Variants in RBFOX1 observed in about 807,000 individuals in gnomAD.
RBFOX1 encodes the protein RNA binding fox-1 homolog 1.
Under a neutral mutation model 57.7 loss-of-function variants are expected in RBFOX1, and 8 were observed. The ratio of observed to expected loss-of-function variants is 0.14; its 90% CI spans 0.08 to 0.25. The LOEUF is 0.25. Among genes scored for constraint, RBFOX1 ranks in the 10% least tolerant of loss-of-function variants. The pLI is 1.00. For missense variants in RBFOX1, 611 were observed against 548.5 expected (o/e 1.11, Z -1.14); for synonymous variants, 326 against 222.4 (o/e 1.47, Z -4.15).
intron 2 of RBFOX1, among the ~76,000 whole-genome samples, chr16:6,364,212 C>T (rs183210690): frequency 1.1e-4 from 16 of 152,308 alleles, no homozygotes; most frequent in Admixed American, 6.5e-4. Context: ...TTCGAAGATG[C>T]TGGCAGAATT....
At chr16:5,654,950 C>A (rs117566906) in intron 3 of RBFOX1, among the ~76,000 whole-genome samples, 3 of 152,166 alleles carry the variant, frequency 2.0e-5, no homozygotes, top group Non-Finnish European at 2.9e-5. Flanking sequence ...ACAGCTCCCC[C>A]CCAGCAAGTA....
intron 4 of RBFOX1, among the ~76,000 whole-genome samples, chr16:7,247,580 C>G (rs1321941672): frequency 3.3e-5 from 5 of 152,166 alleles, no homozygotes; most frequent in Non-Finnish European, 2.9e-5. Context: ...TTAACAAAAG[C>G]TAAAAGCCCC....
intron 4 of RBFOX1, among the ~76,000 whole-genome samples, chr16:7,371,121 C>CA (rs1011030365): frequency 6.6e-6 from 1 of 152,132 alleles, no homozygotes; most frequent in African/African-American, 2.4e-5. Context: ...TCATAAATGC[C>CA]AAGGCCTGCC....
chr16:7,607,435 G>C, intron 10 of RBFOX1, 97 bp downstream of exon 10: 5 of 1,088,744 alleles, frequency 4.6e-6, no homozygotes, highest in Middle Eastern at 4.0e-4. Context: ...CCTGAAGCAA[G>C]TGAATTCCTA....
chr16:5,564,394 A>G (rs987862269), intron 2 of RBFOX1, among the ~76,000 whole-genome samples: 3 of 151,934 alleles, frequency 2.0e-5, no homozygotes, highest in Admixed American at 6.6e-5. Context: ...TCTGGGTTGA[A>G]TTTTTGTCTC....
At chr16:6,379,082 C>T (rs2091515255) in intron 2 of RBFOX1, among the ~76,000 whole-genome samples, 1 of 152,042 alleles carries the variant, frequency 6.6e-6, no homozygotes, top group Non-Finnish European at 1.5e-5. Flanking sequence ...GGAGGATGCC[C>T]AGCTTTCTAA....
At chr16:5,413,289 A>G (rs2067073111) in intron 1 of RBFOX1, among the ~76,000 whole-genome samples, 1 of 152,200 alleles carries the variant, frequency 6.6e-6, no homozygotes, top group African/African-American at 2.4e-5. Flanking sequence ...CATTCTCCAG[A>G]GAGCACCATG....
intron 1 of RBFOX1, among the ~76,000 whole-genome samples, chr16:5,450,406 A>G (rs1481364182): frequency 6.6e-6 from 1 of 152,146 alleles, no homozygotes; most frequent in Non-Finnish European, 1.5e-5. Context: ...GCACATGCAG[A>G]CCACAGGGAA....
intron 3 of RBFOX1, among the ~76,000 whole-genome samples, chr16:6,998,608 C>T (rs952564645): frequency 1.3e-5 from 2 of 152,112 alleles, no homozygotes; most frequent in African/African-American, 4.8e-5. Flanking sequence ...TGATCGATGA[C>T]TTTTGTTGCT....
chr16:6,410,168 CTGTGTGTGTGTGTGTGTG>C (rs3066618), intron 2 of RBFOX1, among the ~76,000 whole-genome samples: 2 of 146,942 alleles, frequency 1.4e-5, no homozygotes, highest in East Asian at 4.0e-4. Context: ...CATCATAAGG[CTGTGTGTGTGTGTGTGTG>C]TGTGTGTGTG....
At chr16:6,015,988 A>G (rs912029479), upstream of RBFOX1, among the ~76,000 whole-genome samples, 2 of 152,240 alleles carry the variant, frequency 1.3e-5, no homozygotes, top group Non-Finnish European at 2.9e-5. Context: ...ACAAAGGACT[A>G]CATAAATGGA....
Position 6,577,507 on chromosome 16 carries a change from C to T in RBFOX1, c.-63-77096C>T, listed in dbSNP as rs539562681. 20 of 152,304 alleles carry T rather than the reference C, an allele frequency of 1.3e-4. 1 individual carries two copies. The highest frequency in any genetic ancestry group is 8.5e-4 in the Admixed American group (13 of 15,296). 9.4% of individuals were successfully genotyped at this position (152,304 alleles called of 1,614,324 possible). On this transcript the variant is annotated intron_variant, in intron 2 of 15. Transcript: ENST00000550418. ...CAAGTTGTGCTGTGGTGACAAATAGCTCTGAAATCTCAGTGATATAACACA... is the reference window on the plus strand; with the variant it reads ...CAAGTTGTGCTGTGGTGACAAATAGTTCTGAAATCTCAGTGATATAACACA...
chr16:7,007,807 C>G (rs1014816685), intron 3 of RBFOX1, among the ~76,000 whole-genome samples: 2 of 152,176 alleles, frequency 1.3e-5, no homozygotes, highest in African/African-American at 4.8e-5. Flanking sequence ...GCCATTGAAG[C>G]CTGCACGCTC....
intron 4 of RBFOX1, among the ~76,000 whole-genome samples, chr16:7,461,971 G>C (rs370940918): frequency 6.6e-6 from 1 of 152,184 alleles, no homozygotes; most frequent in African/African-American, 2.4e-5. Context: ...GAGGTGAACG[G>C]ATGTCAAGGA....
chr16:6,894,778 G>C (rs528980059), intron 3 of RBFOX1, among the ~76,000 whole-genome samples: 3 of 152,050 alleles, frequency 2.0e-5, no homozygotes, highest in Non-Finnish European at 4.4e-5. Context: ...ATCTTAAAAA[G>C]CCATTTTCCC....
chr16:6,203,158 T>A (rs1287182314), intron 1 of RBFOX1, among the ~76,000 whole-genome samples: 4 of 152,112 alleles, frequency 2.6e-5, no homozygotes, highest in Non-Finnish European at 5.9e-5. Flanking sequence ...TACAACACAG[T>A]ATAATTAACC....
chr16:5,863,593 C>T (rs966658323), intron 3 of RBFOX1, among the ~76,000 whole-genome samples: 2 of 152,212 alleles, frequency 1.3e-5, no homozygotes, highest in African/African-American at 2.4e-5. Context: ...AGAAGGGAGT[C>T]TCTGAATCTA....
chr16:7,685,689 G>C (rs1284089285), intron 14 of RBFOX1, among the ~76,000 whole-genome samples: 1 of 152,058 alleles, frequency 6.6e-6, no homozygotes, highest in African/African-American at 2.4e-5. Context: ...GCAGTAGCAA[G>C]TACATTAAAT....
At chr16:6,195,829 G>A (rs2097176411) in intron 1 of RBFOX1, among the ~76,000 whole-genome samples, 1 of 152,114 alleles carries the variant, frequency 6.6e-6, no homozygotes, top group African/African-American at 2.4e-5. Flanking sequence ...GGAAGCAGTA[G>A]CCATTTAAGA....
Sources: allele counts gnomAD v4.1 joint callset (sites outside exome capture counted in the v4.1 genomes callset), GRCh38; gene constraint gnomAD v4.1.1; transcripts MANE v1.5; gene names NCBI Gene and HGNC (gene_info 2026-07-23, HGNC 2026-07-21).